Variants in TMEM50B observed in about 807,000 individuals in gnomAD.
The protein encoded by TMEM50B is transmembrane protein 50B.
A neutral mutation model predicts 23.4 loss-of-function variants in TMEM50B; 14 were observed. The ratio of observed to expected loss-of-function variants is 0.60; its 90% CI spans 0.39 to 0.93. The LOEUF (loss-of-function observed/expected upper bound fraction) is 0.93, where lower values mean the gene tolerates loss of function less well. TMEM50B is among the 40% of genes least tolerant of loss of function. The probability of loss-of-function intolerance (pLI) is 0.00; values close to 1 mark genes in which losing one functional copy is unlikely to be tolerated. For missense variants in TMEM50B, 159 were observed against 193.0 expected, an observed-to-expected ratio of 0.82 and a Z score of 1.04; for synonymous variants, 64 against 62.3, an observed-to-expected ratio of 1.03 and a Z score of -0.13.
chr21:33,453,888 G>C (rs1446128560), intron 6 of TMEM50B, among the ~76,000 whole-genome samples: 1 of 152,052 alleles, frequency 6.6e-6, no homozygotes. Context: ...CAGATCACTT[G>C]AGGTCAGGAG....
At chr21:33,441,314 CAG>C (rs1404013156) in intron 7 of TMEM50B, among the ~76,000 whole-genome samples, 9 of 152,010 alleles carry the variant, frequency 5.9e-5, no homozygotes, top group African/African-American at 2.2e-4. Flanking sequence ...AGTGCCACAA[CAG>C]AGAGAGGCTC....
At chr21:33,474,931 C>A (rs574387093) in intron 1 of TMEM50B, among the ~76,000 whole-genome samples, 1 of 150,620 alleles carries the variant, frequency 6.6e-6, no homozygotes, top group African/African-American at 2.4e-5. Context: ...TGTTCCCCCA[C>A]CGCCACCACC....
intron 4 of TMEM50B, among the ~76,000 whole-genome samples, chr21:33,462,507 TA>T (rs991160261): frequency 2.0e-5 from 3 of 152,006 alleles, no homozygotes; most frequent in African/African-American, 4.8e-5. Flanking sequence ...AAACTTCCTA[TA>T]AAAAACAGAT....
At chr21:33,460,325 T>C (rs1456977249) in intron 5 of TMEM50B, 88 bp downstream of exon 5, 25 of 800,300 alleles carry the variant, frequency 3.1e-5, no homozygotes, top group Non-Finnish European at 5.2e-5. Flanking sequence ...TGAACAATTA[T>C]ACTAAGTTGT....
At chr21:33,473,264 G>C (rs537396353) in intron 1 of TMEM50B, among the ~76,000 whole-genome samples, 156 of 151,932 alleles carry the variant, frequency 1.0e-3, no homozygotes, top group African/African-American at 3.6e-3. Context: ...ACCAGCCTGG[G>C]CAACATGGAG....
chr21:33,474,468 C>T (rs1056300247), intron 1 of TMEM50B, among the ~76,000 whole-genome samples: 1 of 150,788 alleles, frequency 6.6e-6, no homozygotes, highest in Non-Finnish European at 1.5e-5. Flanking sequence ...GAATGATACC[C>T]GATGAAACTG....
intron 6 of TMEM50B, among the ~76,000 whole-genome samples, chr21:33,455,505 T>C (rs540052629): frequency 2.0e-5 from 3 of 152,174 alleles, no homozygotes; most frequent in Admixed American, 2.0e-4. Flanking sequence ...ATTCAAAGGG[T>C]AAAATATATA....
intron 4 of TMEM50B, among the ~76,000 whole-genome samples, chr21:33,462,547 C>T (rs546974624): frequency 6.6e-6 from 1 of 152,170 alleles, no homozygotes; most frequent in South Asian, 2.1e-4. Context: ...TGGCTTACAC[C>T]GGTAATCCCA....
chr21:33,444,312 T>C (rs961014527), downstream of TMEM50B, among the ~76,000 whole-genome samples: 7 of 152,048 alleles, frequency 4.6e-5, no homozygotes, highest in Non-Finnish European at 8.8e-5. Context: ...CTTTGGGAAG[T>C]TGAGGTGAGC....
chr21:33,436,983 C>T (rs767764290), intron 8 of TMEM50B: 2 of 1,613,548 alleles, frequency 1.2e-6, no homozygotes, highest in East Asian at 2.2e-5. Flanking sequence ...GGGCCTAGCC[C>T]ACTGGCTCCC....
At chr21:33,447,717 CACATATAT>C (rs1447942129), downstream of TMEM50B, among the ~76,000 whole-genome samples, 228 of 90,552 alleles carry the variant, frequency 2.5e-3, no homozygotes, top group Non-Finnish European at 4.0e-3. Flanking sequence ...CACACACACA[CACATATAT>C]ATATATACTG....
At chr21:33,441,380 G>A (rs1353926010) in intron 7 of TMEM50B, among the ~76,000 whole-genome samples, 1 of 152,204 alleles carries the variant, frequency 6.6e-6, no homozygotes, top group Non-Finnish European at 1.5e-5. Context: ...GGGAACACGT[G>A]TGCCAGAGTA....
At chr21:33,442,637 G>A (rs1207500678) in intron 7 of TMEM50B, among the ~76,000 whole-genome samples, 3 of 152,022 alleles carry the variant, frequency 2.0e-5, no homozygotes, top group Non-Finnish European at 4.4e-5. Flanking sequence ...CAAATGATAT[G>A]TGGCCAGGCG....
intron 4 of TMEM50B, among the ~76,000 whole-genome samples, chr21:33,462,004 CTT>C (rs949960366): frequency 3.9e-5 from 6 of 152,166 alleles, no homozygotes; most frequent in East Asian, 3.9e-4. Flanking sequence ...AACATTTTCT[CTT>C]GTTTGCTTTG....
intron 4 of TMEM50B, among the ~76,000 whole-genome samples, chr21:33,464,824 A>AAAAAAAAAAAAAAAAAAAAAAAAAAG (rs2084251389): frequency 6.7e-6 from 1 of 148,290 alleles, no homozygotes. Flanking sequence ...AAAAAAAAAA[A>AAAAAAAAAAAAAAAAAAAAAAAAAAG]CAAAAATTGG....
At chr21:33,474,949 CAG>C (rs2084354515) in intron 1 of TMEM50B, among the ~76,000 whole-genome samples, 1 of 150,900 alleles carries the variant, frequency 6.6e-6, no homozygotes, top group Non-Finnish European at 1.5e-5. Context: ...ACCCCCAAGA[CAG>C]AGTCTCTCTC....
chr21:33,473,683 G>GCAATTCTA (rs1256485075), intron 1 of TMEM50B, among the ~76,000 whole-genome samples: 1 of 150,128 alleles, frequency 6.7e-6, no homozygotes, highest in East Asian at 1.9e-4. Flanking sequence ...GAAGGTGACA[G>GCAATTCTA]CAATTCTACT....
chr21:33,447,317 C>G (rs887903284), downstream of TMEM50B, among the ~76,000 whole-genome samples: 1 of 138,566 alleles, frequency 7.2e-6, no homozygotes, highest in Admixed American at 7.3e-5. Flanking sequence ...AAAAGGAGAG[C>G]TGAGTGTGGT....
chr21:33,447,907 A>T (rs1056773763), downstream of TMEM50B, among the ~76,000 whole-genome samples: 5 of 152,240 alleles, frequency 3.3e-5, no homozygotes, highest in Non-Finnish European at 4.4e-5. Context: ...AGGGAATCAC[A>T]TGCATTTGTA....
Sources: gnomAD v4.1 joint callset for allele counts (sites outside exome capture counted in the v4.1 genomes callset) on GRCh38, gnomAD v4.1.1 for gene constraint, MANE v1.5 for transcripts, NCBI Gene and HGNC (gene_info 2026-07-23, HGNC 2026-07-21) for gene names.